The following CHST11 variants were observed in gnomAD, a reference collection of about 807,000 sequenced individuals.
The protein encoded by CHST11 is carbohydrate sulfotransferase 11.
Under a neutral mutation model 30.4 loss-of-function variants are expected in CHST11, and 9 were observed. That is an observed-to-expected ratio of 0.30 (90% CI 0.18 to 0.52). The LOEUF (loss-of-function observed/expected upper bound fraction) is 0.52. Ranked by LOEUF, CHST11 falls within the 20% of genes least tolerant of loss-of-function variation. The pLI is 0.97. For synonymous variants in CHST11, 152 were observed against 187.8 expected (o/e 0.81, Z 1.56); for missense variants, 348 against 460.6 (o/e 0.76, Z 2.24).
At chr12:104,467,296 A>C (rs2037469173) in intron 1 of CHST11, among the ~76,000 whole-genome samples, 2 of 152,184 alleles carry the variant, frequency 1.3e-5, no homozygotes, top group East Asian at 3.8e-4. Flanking sequence ...AAATTTTTTT[A>C]GGTTAACTGA....
At chr12:104,567,162 G>T (rs1259240809) in intron 1 of CHST11, among the ~76,000 whole-genome samples, 1 of 152,154 alleles carries the variant, frequency 6.6e-6, no homozygotes, top group Non-Finnish European at 1.5e-5. Context: ...TATCCCTTAC[G>T]CTTGCCAGTT....
intron 2 of CHST11, among the ~76,000 whole-genome samples, chr12:104,664,814 G>A (rs2039628382): frequency 6.6e-6 from 1 of 152,172 alleles, no homozygotes; most frequent in Non-Finnish European, 1.5e-5. Flanking sequence ...TTATGAAATT[G>A]CAAGAACTGT....
chr12:104,684,127 A>G (rs1385556882), intron 2 of CHST11, among the ~76,000 whole-genome samples: 5 of 152,246 alleles, frequency 3.3e-5, no homozygotes, highest in African/African-American at 4.8e-5. Context: ...TGGTGGCATT[A>G]TTTATGAGAA....
At chr12:104,738,226 G>A (rs2040317478) in intron 2 of CHST11, among the ~76,000 whole-genome samples, 1 of 152,140 alleles carries the variant, frequency 6.6e-6, no homozygotes, top group Non-Finnish European at 1.5e-5. Context: ...CATAAAGCCT[G>A]TGCAGGGACA....
chr12:104,670,434 G>A (rs2039679951), intron 2 of CHST11, among the ~76,000 whole-genome samples: 1 of 151,148 alleles, frequency 6.6e-6, no homozygotes, highest in Non-Finnish European at 1.5e-5. Flanking sequence ...CCTCCTTCAT[G>A]GAGCATATAC....
intron 1 of CHST11, among the ~76,000 whole-genome samples, chr12:104,468,463 C>G (rs2037479397): frequency 6.6e-6 from 1 of 152,118 alleles, no homozygotes; most frequent in Non-Finnish European, 1.5e-5. Flanking sequence ...GAATAAAAAC[C>G]AAACCCGGCT....
intron 2 of CHST11, among the ~76,000 whole-genome samples, chr12:104,602,991 C>T (rs1288220591): frequency 6.6e-6 from 1 of 152,114 alleles, no homozygotes; most frequent in Non-Finnish European, 1.5e-5. Context: ...TGAATTTATG[C>T]ATCATGGGTG....
chr12:104,752,808 C>A (rs1472556852), intron 2 of CHST11, among the ~76,000 whole-genome samples: 2 of 152,218 alleles, frequency 1.3e-5, no homozygotes, highest in Non-Finnish European at 2.9e-5. Context: ...GGATTACAGG[C>A]CTGAGCCACC....
chr12:104,609,489 A>G (rs1011538146), intron 2 of CHST11, among the ~76,000 whole-genome samples: 6 of 152,200 alleles, frequency 3.9e-5, no homozygotes, highest in African/African-American at 1.4e-4. Flanking sequence ...GAACCAGGGA[A>G]GCTTCCCAGT....
chr12:104,743,958 A>G (rs892820376), intron 2 of CHST11, among the ~76,000 whole-genome samples: 1 of 152,170 alleles, frequency 6.6e-6, no homozygotes, highest in African/African-American at 2.4e-5. Flanking sequence ...TTATGGCTGC[A>G]TAGTACTCCA....
intron 1 of CHST11, among the ~76,000 whole-genome samples, chr12:104,494,838 T>C (rs1032309254): frequency 6.6e-6 from 1 of 152,202 alleles, no homozygotes; most frequent in Non-Finnish European, 1.5e-5. Context: ...CAATGTAAAC[T>C]TTACCATTTT....
intron 2 of CHST11, among the ~76,000 whole-genome samples, chr12:104,654,682 A>G (rs7974223): frequency 0.53 from 81,184 of 151,790 alleles, 22,536 homozygotes; most frequent in African/African-American, 0.67. Context: ...CTGTCCACTC[A>G]CCAGGAGCAA....
At chr12:104,627,076 A>G (rs964153790) in intron 2 of CHST11, among the ~76,000 whole-genome samples, 1 of 152,068 alleles carries the variant, frequency 6.6e-6, no homozygotes, top group Non-Finnish European at 1.5e-5. Context: ...CCAGAATGTC[A>G]TATAGTTGGA....
intron 2 of CHST11, among the ~76,000 whole-genome samples, chr12:104,744,861 ATTTATTTATTTATT>A (rs2040377115): frequency 1.6e-5 from 1 of 61,484 alleles, no homozygotes; most frequent in South Asian, 3.9e-4. Context: ...TTATTTATTT[ATTTATTTATTTATT>A]TATTTATTTA....
rs549300244 is a variant in CHST11, at chr12:104,632,387, C to T, written c.204+30396C>T. Among the ~76,000 whole-genome samples the T allele has an allele frequency of 2.6e-5, 4 of 152,272 alleles. No homozygotes were observed. In the South Asian group the frequency reaches 8.3e-4, roughly 32 times the overall value. ...GCCCCCAGGTGGTTCACAAGAGATG[C>T]GTACAACCAGCTCTGGTGGAATTCT... On this transcript the variant is annotated intron_variant, in intron 2 of 2. Coordinates refer to ENST00000303694, the MANE Select transcript of CHST11 (RefSeq NM_018413.6).
chr12:104,757,287 G>A lies in CHST11; in HGVS notation c.543G>A (p.Lys181=). ...ACCACCGCTTGAAAAGCTACATGAAGTTCCTGTTTGTCCGGGAGCCCTTCG... is the reference window on the plus strand; with the variant it reads ...ACCACCGCTTGAAAAGCTACATGAAATTCCTGTTTGTCCGGGAGCCCTTCG... ...EINHRLKSYM[K]FLFVREPFER... Residue 181 remains lysine (K), a synonymous_variant, in exon 3 of 3, where the codon AAG becomes AAA. Transcript: ENST00000303694. This position sits in a 1 kb window ranked among gnomAD's most constrained non-coding sequence, Gnocchi z 6.5. The A allele has an allele frequency of 1.2e-6, 2 of 1,614,072 alleles. No individual in the cohort carries two copies. Among genetic ancestry groups the A allele is most frequent in the Non-Finnish European group, 1.7e-6 (2 of 1,180,028 alleles).
chr12:104,488,601 G>A (rs561519017), intron 1 of CHST11, among the ~76,000 whole-genome samples: 16 of 149,422 alleles, frequency 1.1e-4, no homozygotes, highest in East Asian at 4.0e-4. Context: ...GTATGTATGC[G>A]TATGTGTGTA....
intron 1 of CHST11, among the ~76,000 whole-genome samples, chr12:104,463,875 G>C (rs1346919152): frequency 6.6e-6 from 1 of 152,138 alleles, no homozygotes; most frequent in Non-Finnish European, 1.5e-5. Flanking sequence ...CCAGAGCAGA[G>C]GGACGGAGGC....
intron 1 of CHST11, among the ~76,000 whole-genome samples, chr12:104,586,738 A>G (rs567223856): frequency 1.3e-5 from 2 of 152,368 alleles, no homozygotes; most frequent in South Asian, 2.1e-4. Flanking sequence ...AGAGGGGAAC[A>G]TTCTTCAGCA....
Sources: gnomAD v4.1 joint callset for allele counts (sites outside exome capture counted in the v4.1 genomes callset) on GRCh38, gnomAD v4.1.1 for gene constraint, Gnocchi (gnomAD v3.1) non-coding constraint, MANE v1.5 for transcripts, NCBI Gene and HGNC (gene_info 2026-07-23, HGNC 2026-07-21) for gene names.